The following BCAS1 variants were observed in gnomAD, a reference collection of about 807,000 sequenced individuals.
BCAS1 encodes the protein brain enriched myelin associated protein 1.
Under a neutral mutation model 65.4 loss-of-function variants are expected in BCAS1, and 46 were observed. The ratio of observed to expected loss-of-function variants is 0.70; its 90% confidence interval spans 0.55 to 0.90. BCAS1 has a LOEUF of 0.90. BCAS1 is among the 40% of genes least tolerant of loss of function. BCAS1 has a pLI of 0.00. For missense variants in BCAS1, 793 were observed against 771.2 expected (o/e 1.03, Z -0.33); for synonymous variants, 298 against 293.5 (o/e 1.02, Z -0.16).
At chr20:54,002,080 T>C (rs1429696837) in intron 4 of BCAS1, among the ~76,000 whole-genome samples, 2 of 151,872 alleles carry the variant, frequency 1.3e-5, no homozygotes, top group Non-Finnish European at 2.9e-5. Context: ...AGTTTCCTCA[T>C]ATGAACATAT....
At chr20:54,001,261 C>T (rs986884651) in intron 4 of BCAS1, among the ~76,000 whole-genome samples, 15 of 152,184 alleles carry the variant, frequency 9.9e-5, no homozygotes, top group African/African-American at 3.1e-4. Context: ...TTCCAAGCTG[C>T]CCTTGTTCAT....
chr20:53,982,049 C>G (rs1600774219), intron 8 of BCAS1, among the ~76,000 whole-genome samples: 1 of 152,136 alleles, frequency 6.6e-6, no homozygotes, highest in Non-Finnish European at 1.5e-5. Flanking sequence ...TTATTGGTTT[C>G]TTATAACAAC....
At chr20:53,967,882 G>T (rs1376027965) in intron 9 of BCAS1, among the ~76,000 whole-genome samples, 1 of 152,226 alleles carries the variant, frequency 6.6e-6, no homozygotes, top group Non-Finnish European at 1.5e-5. Flanking sequence ...GTTGTTCCCT[G>T]CCACAGGACA....
At position 54,065,153 on chromosome 20, in the gene BCAS1, TATCTATCTATC is replaced by T. The variant is rs1277828924; in HGVS notation, c.-6+5269_-6+5279del. 2.3e-3 allele frequency among the ~76,000 whole-genome samples: 322 copies of T among 137,990 alleles called. 3 individuals are homozygous for T. Among genetic ancestry groups the T allele is most frequent in the South Asian group, 0.015 (62 of 4,096 alleles). 90.5% of individuals were successfully genotyped at this position (137,990 alleles called of 152,430 possible). ...CTATCTATCTATCTATCTATCTATC[TATCTATCTATC>T]ATCTACTTTATCTATCTATCTCACA... On this transcript the variant is annotated intron_variant, in intron 1 of 12. Coordinates refer to ENST00000688948, the MANE Select transcript of BCAS1 (RefSeq NM_001366298.2).
At position 54,008,813 on chromosome 20, in the gene BCAS1, T is replaced by TC. The variant is rs1323393140; in HGVS notation, c.724-12764_724-12763insG. Among the ~76,000 whole-genome samples the TC allele has an allele frequency of 3.3e-5, 5 of 152,092 alleles. No homozygotes were observed. In the East Asian group the frequency reaches 9.6e-4, roughly 29 times the overall value. ...GCTAGAATTATCTAACAAAGATTTT[T>TC]TTTTTTTTTTGAGACGGAGTCTTGC... is the stretch of plus-strand genomic sequence containing the variant. On this transcript the variant is annotated intron_variant, in intron 4 of 12. Transcript: ENST00000688948.
rs551260029 is a variant in BCAS1, at chr20:53,943,913, G to T, written c.*1009C>A. ...ATTACAGGATAAAAATGGGGACCTT[G>T]CCGCCCCCTTGTGTTGCAAAATAAC... On this transcript the variant is annotated 3_prime_UTR_variant, in exon 13 of 13. Transcript: ENST00000688948. 6.6e-6 allele frequency: 1 copy of T among 152,164 alleles called. No individual in the cohort carries two copies. Among genetic ancestry groups the T allele is most frequent in the South Asian group, 2.1e-4 (1 of 4,812 alleles). The allele number at this position is 152,164 out of a possible 1,614,324, so 9.4% of individuals were successfully genotyped here. A position where few individuals can be genotyped will look rare whatever the true frequency, so the allele number is the denominator to read the frequency against.
At chr20:54,034,995 T>C (rs910132411) in intron 3 of BCAS1, among the ~76,000 whole-genome samples, 5 of 151,192 alleles carry the variant, frequency 3.3e-5, no homozygotes, top group Admixed American at 1.3e-4. Context: ...CCTACAACTA[T>C]CTAATCTTTG....
rs1266342864 is a variant in BCAS1, at chr20:53,975,405, G to A, written c.1301C>T (p.Thr434Ile). 6.2e-7 allele frequency: 1 copy of A among 1,612,530 alleles called. No individual in the cohort carries two copies. Among genetic ancestry groups the A allele is most frequent in the South Asian group, 1.1e-5 (1 of 91,054 alleles). The change falls in exon 9 of 13, where the codon ACA becomes ATA. Residue 434 changes from threonine to isoleucine, a missense_variant. Transcript: ENST00000688948. ...GTAACTTACATTCTCCTCCGCACCT[G>A]TGGGGACTGAGTCCTCTTTAACTGA... ...KKSVKEDSVP[T>I]GAEENVVCES...
At chr20:54,050,041 T>C (rs1403303391) in intron 3 of BCAS1, among the ~76,000 whole-genome samples, 1 of 152,110 alleles carries the variant, frequency 6.6e-6, no homozygotes, top group Non-Finnish European at 1.5e-5. Context: ...TAGGGGAGAA[T>C]CTATTTCCTT....
At chr20:53,945,552 C>T (rs1272060823) in intron 12 of BCAS1, among the ~76,000 whole-genome samples, 1 of 152,094 alleles carries the variant, frequency 6.6e-6, no homozygotes, top group Non-Finnish European at 1.5e-5. Flanking sequence ...ATCCTTCCCC[C>T]AACCCCCCAT....
chr20:54,029,898 A>T (rs745846739), intron 3 of BCAS1, among the ~76,000 whole-genome samples: 1 of 152,230 alleles, frequency 6.6e-6, no homozygotes, highest in Non-Finnish European at 1.5e-5. Context: ...GTATTAGCAT[A>T]GACTGTTAAG....
At chr20:54,041,441 C>A (rs1445792567) in intron 3 of BCAS1, among the ~76,000 whole-genome samples, 1 of 141,054 alleles carries the variant, frequency 7.1e-6, no homozygotes, top group Non-Finnish European at 1.6e-5. Flanking sequence ...CAGGAAAAGA[C>A]ATGCAGCCAG....
chr20:53,956,923 C>T (rs764034878), intron 11 of BCAS1, among the ~76,000 whole-genome samples: 9 of 152,258 alleles, frequency 5.9e-5, no homozygotes, highest in Non-Finnish European at 1.3e-4. Context: ...TGTGACCCCC[C>T]GACTCCATGT....
At chr20:54,031,463 A>G (rs1246343813) in intron 3 of BCAS1, among the ~76,000 whole-genome samples, 2 of 151,370 alleles carry the variant, frequency 1.3e-5, no homozygotes, top group Non-Finnish European at 3.0e-5. Context: ...ACCCAAGTCC[A>G]TCACCTGGGG....
intron 9 of BCAS1, among the ~76,000 whole-genome samples, chr20:53,974,310 T>A (rs2090267800): frequency 6.6e-6 from 1 of 152,184 alleles, no homozygotes; most frequent in African/African-American, 2.4e-5. Context: ...ACTCTTTGGG[T>A]CTGTGCCACC....
intron 4 of BCAS1, among the ~76,000 whole-genome samples, chr20:54,017,119 GA>G (rs1257485605): frequency 4.6e-5 from 7 of 152,090 alleles, no homozygotes; most frequent in African/African-American, 7.2e-5. Flanking sequence ...GGGGAGGGGG[GA>G]AAGAAATCTA....
chr20:53,947,898 C>G (rs142140952), intron 12 of BCAS1, among the ~76,000 whole-genome samples: 53 of 152,320 alleles, frequency 3.5e-4, no homozygotes, highest in African/African-American at 1.1e-3. Context: ...AGTTAAACCT[C>G]ACAAGCATTG....
intron 9 of BCAS1, 45 bp from the exon 10 acceptor site, chr20:53,967,118 T>A (rs758831601): frequency 6.3e-7 from 1 of 1,592,744 alleles, no homozygotes; most frequent in South Asian, 1.2e-5. Flanking sequence ...AACAAAACAT[T>A]CCCCCAAAAC....
intron 12 of BCAS1, among the ~76,000 whole-genome samples, chr20:53,951,180 G>T (rs1377645564): frequency 6.6e-6 from 1 of 152,132 alleles, no homozygotes; most frequent in Non-Finnish European, 1.5e-5. Context: ...GGTTAAAAAC[G>T]TGTAAACTAA....
Sources: gnomAD v4.1 joint callset for allele counts (sites outside exome capture counted in the v4.1 genomes callset) on GRCh38, gnomAD v4.1.1 for gene constraint, MANE v1.5 for transcripts, NCBI Gene and HGNC (gene_info 2026-07-23, HGNC 2026-07-21) for gene names.